Variants in GOLGA8J observed in about 807,000 individuals in gnomAD.
GOLGA8J encodes the protein golgin A8 family member J.
GOLGA8J carries 19 observed loss-of-function variants against 67.7 expected under a neutral mutation model. That is an observed-to-expected ratio of 0.28 (90% CI 0.20 to 0.41). GOLGA8J has a LOEUF of 0.41. Among genes scored for constraint, GOLGA8J ranks in the 10% least tolerant of loss-of-function variants. GOLGA8J has a pLI of 1.00. For synonymous variants in GOLGA8J, 69 were observed against 215.9 expected, an observed-to-expected ratio of 0.32 and a Z score of 5.97; for missense variants, 205 against 584.3, an observed-to-expected ratio of 0.35 and a Z score of 6.69.
At position 30,085,825 on chromosome 15, in the gene GOLGA8J, A is replaced by G; in HGVS notation, c.211A>G (p.Thr71Ala). The G allele has an allele frequency of 6.7e-6, 1 of 148,592 alleles. No homozygotes were observed. The highest frequency in any genetic ancestry group is 1.2e-5 in the Non-Finnish European group (1 of 82,260). 9.2% of individuals were successfully genotyped at this position (148,592 alleles called of 1,614,324 possible). A position where few individuals can be genotyped will look rare whatever the true frequency, so the allele number is the denominator to read the frequency against. ...FHREGPTSSA[T>A]LKDLESPCQE... ...CAGGGAAGGCCCTACATCATCTGCT[A>G]CCCTGAAAGATCTGGAGGTAAGAGG... is the stretch of plus-strand genomic sequence containing the variant. Residue 71 changes from threonine (T) to alanine (A), a missense_variant, in exon 3 of 19, where the codon ACC (threonine) becomes GCC (alanine). By Grantham distance (58) the Thr-to-Ala change is moderately conservative. Coordinates refer to ENST00000567927, the MANE Select transcript of GOLGA8J (RefSeq NM_001282472.2).
Position 30,089,836 on chromosome 15 carries a change from G to A in GOLGA8J, c.1011G>A (p.Gln337=), listed in dbSNP as rs1450986478. The change falls in exon 12 of 19, where the codon CAG becomes CAA. Residue 337 remains glutamine (Q), a synonymous_variant. Transcript: ENST00000567927. The part of the protein sequence containing the change: ...KNNQRISLLN[Q]RQEERIREQE... Reference sequence around the variant, plus strand: ...ATCAGCGCATAAGTCTCCTGAACCAGCGACAAGAAGAGAGGATTCGGGAGC... The same window carrying A: ...ATCAGCGCATAAGTCTCCTGAACCAACGACAAGAAGAGAGGATTCGGGAGC... 2 of 1,556,068 alleles carry A rather than the reference G, an allele frequency of 1.3e-6. No individual in the cohort carries two copies. The highest frequency in any genetic ancestry group is 2.3e-5 in the South Asian group (2 of 87,396).
At chr15:30,093,277 G>A in intron 18 of GOLGA8J, 38 bp downstream of exon 18, 2 of 1,570,896 alleles carry the variant, frequency 1.3e-6, no homozygotes, top group African/African-American at 1.5e-5. Context: ...CAGGCAGGAA[G>A]AGGGGGCTCC....
rs1327533970 is a variant in GOLGA8J, at chr15:30,095,540, C to T, written c.*2041C>T. ...TAAAATGCACTTAAAGTCCTGTTCT[C>T]GCCTTTTATTTTCTGAACTTGCCGC... On this transcript the variant is annotated 3_prime_UTR_variant, in exon 19 of 19. Coordinates refer to ENST00000567927, the MANE Select transcript of GOLGA8J (RefSeq NM_001282472.2). Among the ~76,000 whole-genome samples, 1 of 138,090 alleles carries T rather than the reference C, an allele frequency of 7.2e-6. No homozygotes were observed. The highest frequency in any genetic ancestry group is 2.4e-4 in the South Asian group (1 of 4,194). 90.6% of individuals were successfully genotyped at this position (138,090 alleles called of 152,430 possible).
Position 30,094,100 on chromosome 15 carries a change from G to T in GOLGA8J, c.*601G>T, listed in dbSNP as rs1251140566. Among the ~76,000 whole-genome samples the T allele has an allele frequency of 1.4e-5, 2 of 147,440 alleles. No individual in the cohort carries two copies. Among genetic ancestry groups the T allele is most frequent in the Non-Finnish European group, 3.0e-5 (2 of 67,588 alleles). On this transcript the variant is annotated 3_prime_UTR_variant, in exon 19 of 19. Coordinates refer to ENST00000567927, the MANE Select transcript of GOLGA8J (RefSeq NM_001282472.2). Reference sequence around the variant, plus strand: ...CATTTTCTGTGTGTTGGTGATGGGAGTGATAACCTTTTGGGGGAGCTTTTT... The same window carrying T: ...CATTTTCTGTGTGTTGGTGATGGGATTGATAACCTTTTGGGGGAGCTTTTT...
intron 13 of GOLGA8J, among the ~76,000 whole-genome samples, chr15:30,090,644 C>G (rs1302872349): frequency 5.7e-5 from 7 of 123,348 alleles, no homozygotes; most frequent in Non-Finnish European, 1.1e-4. Context: ...AGTTTGAGAT[C>G]AGCCTGGCCA....
rs201764512 is a variant in GOLGA8J at position 30,092,076 on chromosome 15, G to A, written c.1311G>A (p.Glu437=). The change falls in exon 15 of 19, where the codon GAG becomes GAA. Residue 437 remains glutamate, a synonymous_variant. Transcript: ENST00000567927. The part of the protein sequence containing the change: ...HGGEHLDSEG[E]EAPRPMPSVP... ...GAGAACATCTGGACAGTGAGGGGGA[G>A]GAGGCACCTCGGCCCATGCCGAGTG... 4.1e-3 allele frequency: 6,485 copies of A among 1,596,474 alleles called. 113 individuals carry two copies. The highest frequency in any genetic ancestry group is 0.015 in the South Asian group (1,303 of 89,634).
chr15:30,090,760 G>A (rs2057392917), intron 13 of GOLGA8J, among the ~76,000 whole-genome samples: 1 of 125,584 alleles, frequency 8.0e-6, no homozygotes. Context: ...GGGAGGCTGA[G>A]GCACGAGAAT....
At position 30,091,997 on chromosome 15, in the gene GOLGA8J, T is replaced by C. The variant is rs575171568; in HGVS notation, c.1277-45T>C. 559 of 1,594,176 alleles carry C rather than the reference T, an allele frequency of 3.5e-4. 6 individuals are homozygous for C. In the African/African-American group the frequency reaches 5.0e-3, roughly 14 times the overall value. On this transcript the variant is annotated intron_variant, in intron 14 of 18. Transcript: ENST00000567927. ...GAGGTAGAGGTGGGCCCACAGTACC[T>C]CCCTTGTTGGGTTGTCTGAAGACCC... is the stretch of plus-strand genomic sequence containing the variant.
In GOLGA8J at chr15:30,096,480, A is replaced by C. The variant is rs1309214742; in HGVS notation, c.*2981A>C. ...AATATGAATACTGTAGTATAAAAGA[A>C]AGAAATGGTGGGAACGAAAAGCAGA... On this transcript the variant is annotated 3_prime_UTR_variant, in exon 19 of 19. Coordinates refer to ENST00000567927, the MANE Select transcript of GOLGA8J (RefSeq NM_001282472.2). 6.8e-6 allele frequency among the ~76,000 whole-genome samples: 1 copy of C among 147,358 alleles called. No homozygotes were observed. The highest frequency in any genetic ancestry group is 2.2e-4 in the South Asian group (1 of 4,538).
In GOLGA8J at chr15:30,094,090, G is replaced by T. The variant is rs2057444424; in HGVS notation, c.*591G>T. 6.8e-6 allele frequency among the ~76,000 whole-genome samples: 1 copy of T among 147,420 alleles called. No homozygotes were observed. Among genetic ancestry groups the T allele is most frequent in the Non-Finnish European group, 1.5e-5 (1 of 67,576 alleles). On this transcript the variant is annotated 3_prime_UTR_variant, in exon 19 of 19. Transcript: ENST00000567927. ...GCCTTTCCTCCATTTTCTGTGTGTTGGTGATGGGAGTGATAACCTTTTGGG... is the reference window on the plus strand; with the variant it reads ...GCCTTTCCTCCATTTTCTGTGTGTTTGTGATGGGAGTGATAACCTTTTGGG...
chr15:30,089,946 T>C lies in GOLGA8J; in HGVS notation c.1121T>C (p.Phe374Ser). The change falls in exon 12 of 19, where the codon TTC becomes TCC. Residue 374 changes from phenylalanine to serine, a missense_variant. Phe to Ser is a radical substitution (Grantham distance 155, BLOSUM62 -2). Coordinates refer to ENST00000567927, the MANE Select transcript of GOLGA8J (RefSeq NM_001282472.2). ...LQQLAKPQSVFKEPNNENKNA... is the reference protein window; with the variant it reads ...LQQLAKPQSVSKEPNNENKNA... ...CAGCTGGCCAAGCCACAGAGCGTCT[T>C]CAAGGAGCCGGTGCGTTGCCCAAAC... The C allele has an allele frequency of 2.0e-6, 3 of 1,536,026 alleles. No individual in the cohort carries two copies. Among genetic ancestry groups the C allele is most frequent in the Non-Finnish European group, 2.6e-6 (3 of 1,150,270 alleles).
chr15:30,090,670 A>G (rs1339354554), intron 13 of GOLGA8J, among the ~76,000 whole-genome samples: 5 of 116,046 alleles, frequency 4.3e-5, no homozygotes, highest in Admixed American at 4.1e-4. Context: ...GTAAAACCTC[A>G]TCTCTACTAA....
rs2057459470 is a variant in GOLGA8J, at chr15:30,095,558, C to T, written c.*2059C>T. On this transcript the variant is annotated 3_prime_UTR_variant, in exon 19 of 19. Coordinates refer to ENST00000567927, the MANE Select transcript of GOLGA8J (RefSeq NM_001282472.2). The stretch of plus-strand genomic sequence containing the variant: ...CTGTTCTCGCCTTTTATTTTCTGAA[C>T]TTGCCGCTTTTGCATTCTTTGAGTT... Among the ~76,000 whole-genome samples, 2 of 132,208 alleles carry T rather than the reference C, an allele frequency of 1.5e-5. No individual in the cohort carries two copies. The highest frequency in any genetic ancestry group is 3.2e-5 in the Non-Finnish European group (2 of 63,064). The allele number at this position is 132,208 out of a possible 152,430, so 86.7% of individuals were successfully genotyped here.
rs542141801 is a variant in GOLGA8J, at chr15:30,090,355, G to A, written c.1200+75G>A. 144 of 1,467,064 alleles carry A rather than the reference G, an allele frequency of 9.8e-5. 3 individuals carry two copies. Among genetic ancestry groups the A allele is most frequent in the South Asian group, 7.8e-4 (64 of 82,236 alleles). 90.9% of individuals were successfully genotyped at this position (1,467,064 alleles called of 1,614,324 possible). On this transcript the variant is annotated intron_variant, in intron 13 of 18. Coordinates refer to ENST00000567927, the MANE Select transcript of GOLGA8J (RefSeq NM_001282472.2). The stretch of plus-strand genomic sequence containing the variant: ...GCAGCAGCCTCTTGGGAGGGGAGGT[G>A]CCAGGCCAGAGGCAGCTTCCAGCCT...
In GOLGA8J at chr15:30,094,287, A is replaced by G. The variant is rs531778278; in HGVS notation, c.*788A>G. 9.3e-4 allele frequency among the ~76,000 whole-genome samples: 137 copies of G among 147,118 alleles called. 4 individuals are homozygous for G. In the Middle Eastern group the frequency reaches 0.014, roughly 15 times the overall value. On this transcript the variant is annotated 3_prime_UTR_variant, in exon 19 of 19. Coordinates refer to ENST00000567927, the MANE Select transcript of GOLGA8J (RefSeq NM_001282472.2). ...AAGATACTGCATCATGAGCTGCAGCAGTTGTACTCTTTTTCGATGACCTAA... is the reference window on the plus strand; with the variant it reads ...AAGATACTGCATCATGAGCTGCAGCGGTTGTACTCTTTTTCGATGACCTAA...
In GOLGA8J at chr15:30,089,805, A is replaced by C. The variant is rs1266550432; in HGVS notation, c.980A>C (p.Lys327Thr). ...GCAGGAGAGCTCCAGGCCCAGGTCA[A>C]AAACAATCAGCGCATAAGTCTCCTG... ...RVAGELQAQV[K>T]NNQRISLLNQ... The change falls in exon 12 of 19, where the codon AAA (lysine) becomes ACA (threonine). Residue 327 changes from lysine (K) to threonine (T), a missense_variant. Coordinates refer to ENST00000567927, the MANE Select transcript of GOLGA8J (RefSeq NM_001282472.2). 1 of 1,560,654 alleles carries C rather than the reference A, an allele frequency of 6.4e-7. No individual in the cohort carries two copies. Among genetic ancestry groups the C allele is most frequent in the Admixed American group, 1.7e-5 (1 of 58,694 alleles).
chr15:30,092,790 G>A lies in GOLGA8J; in HGVS notation c.1451G>A (p.Trp484Ter), dbSNP rs749783249. 6.4e-7 allele frequency: 1 copy of A among 1,573,754 alleles called. No homozygotes were observed. The highest frequency in any genetic ancestry group is 1.1e-5 in the South Asian group (1 of 89,858). ...AAAGAACTCTGCTTCATCCACCACT[G>A]GCGAGAGAGATGCCATCAGTGAGTG... is the stretch of plus-strand genomic sequence containing the variant. ...KKKELCFIHH[W>*]RERCHQKTHH... Residue 484 changes from tryptophan (W) to a stop codon, truncating the protein, a stop_gained, in exon 16 of 19, where the codon TGG becomes TAG. Coordinates refer to ENST00000567927, the MANE Select transcript of GOLGA8J (RefSeq NM_001282472.2). LOFTEE classifies it high-confidence loss of function.
At position 30,084,945 on chromosome 15, in the gene GOLGA8J, G is replaced by A. The variant is rs2057334650; in HGVS notation, c.168+55G>A. ...ACAGGGGGCCCAAGGGGCAGTAGAG[G>A]GTAATTGTTAAGATTGTGGATGGAC... On this transcript the variant is annotated intron_variant, in intron 2 of 18. Transcript: ENST00000567927. 11 of 1,493,828 alleles carry A rather than the reference G, an allele frequency of 7.4e-6. 2 individuals carry two copies. The highest frequency in any genetic ancestry group is 5.9e-5 in the African/African-American group (2 of 34,118). 92.5% of individuals were successfully genotyped at this position (1,493,828 alleles called of 1,614,324 possible).
intron 1 of GOLGA8J, 120 bp downstream of exon 1, chr15:30,083,220 G>A: frequency 3.0e-5 from 1 of 32,932 alleles, no homozygotes; most frequent in Non-Finnish European, 5.1e-5. Flanking sequence ...CTACCCCGGT[G>A]CCTCTGGGCT....
Sources: gnomAD v4.1 joint callset for allele counts (sites outside exome capture counted in the v4.1 genomes callset) on GRCh38, gnomAD v4.1.1 for gene constraint, MANE v1.5 for transcripts, NCBI Gene and HGNC (gene_info 2026-07-23, HGNC 2026-07-21) for gene names.